The following CFAP61 variants were observed in gnomAD, a reference collection of about 807,000 sequenced individuals.
CFAP61 encodes the protein cilia- and flagella-associated protein 61.
CFAP61 carries 107 observed loss-of-function variants against 135.6 expected under a neutral mutation model. The observed-to-expected ratio is 0.79, with a 90% CI of 0.67 to 0.93. CFAP61 has a LOEUF of 0.93. Ranked by LOEUF, CFAP61 falls within the 40% of genes least tolerant of loss-of-function variation. CFAP61 has a pLI of 0.00. For synonymous variants in CFAP61, 575 were observed against 578.5 expected (o/e 0.99, Z 0.09); for missense variants, 1,507 against 1,556.2 (o/e 0.97, Z 0.53).
intron 13 of CFAP61, among the ~76,000 whole-genome samples, chr20:20,171,245 C>T (rs906680890): frequency 2.0e-5 from 3 of 152,182 alleles, no homozygotes; most frequent in African/African-American, 7.2e-5. Flanking sequence ...ACACAACTGC[C>T]TTGAGCCAGT....
chr20:20,159,702 A>G (rs767319008), intron 10 of CFAP61, among the ~76,000 whole-genome samples: 13 of 152,238 alleles, frequency 8.5e-5, no homozygotes, highest in Non-Finnish European at 1.3e-4. Context: ...ATTATTTGCA[A>G]AAATTTTAGT....
chr20:20,280,472 G>A (rs1435773179), intron 22 of CFAP61, among the ~76,000 whole-genome samples: 1 of 152,136 alleles, frequency 6.6e-6, no homozygotes, highest in East Asian at 1.9e-4. Flanking sequence ...AGCAGATGAT[G>A]TCACAGTGTA....
intron 26 of CFAP61, among the ~76,000 whole-genome samples, chr20:20,354,976 AGG>A (rs2059012732): frequency 5.7e-5 from 7 of 122,004 alleles, no homozygotes; most frequent in East Asian, 2.9e-4. Context: ...ACACTGTGAG[AGG>A]GGAGGTGGTC....
intron 3 of CFAP61, among the ~76,000 whole-genome samples, chr20:20,072,065 A>AC (rs2045744804): frequency 8.1e-6 from 1 of 122,924 alleles, no homozygotes; most frequent in Admixed American, 8.5e-5. Flanking sequence ...ACAGGATGTG[A>AC]CCTATTTGGT....
At position 20,055,450 on chromosome 20, in the gene CFAP61, C is replaced by G. The variant is rs541169685; in HGVS notation, c.-36-1168C>G. Among the ~76,000 whole-genome samples, 30 of 152,270 alleles carry G rather than the reference C, an allele frequency of 2.0e-4. No homozygotes were observed. In the East Asian group the frequency reaches 3.3e-3, roughly 17 times the overall value. ...CCCCTCACTTACCGAGGGGCCCATCCAAAGTCCCAGGTAGATGCATGGTTT... is the reference window on the plus strand; with the variant it reads ...CCCCTCACTTACCGAGGGGCCCATCGAAAGTCCCAGGTAGATGCATGGTTT... On this transcript the variant is annotated intron_variant, in intron 1 of 26. Coordinates refer to ENST00000245957, the MANE Select transcript of CFAP61 (RefSeq NM_015585.4).
At chr20:20,340,561 CAGAG>C (rs1447579653) in intron 25 of CFAP61, among the ~76,000 whole-genome samples, 7 of 152,130 alleles carry the variant, frequency 4.6e-5, no homozygotes, top group Non-Finnish European at 8.8e-5. Context: ...ACGGGCAACA[CAGAG>C]AGCAGAGTTT....
rs182966536 is a variant in CFAP61, at chr20:20,064,267, A to T, written c.144-6587A>T. On this transcript the variant is annotated intron_variant, in intron 2 of 26. Coordinates refer to ENST00000245957, the MANE Select transcript of CFAP61 (RefSeq NM_015585.4). ...AGAACTAACAGGAATTTCTTTTTCC[A>T]TTTTCACAATTTCACGGATTAAAGA... Among the ~76,000 whole-genome samples the T allele has an allele frequency of 7.4e-3, 1,127 of 152,230 alleles. 13 individuals carry two copies. Among genetic ancestry groups the T allele is most frequent in the African/African-American group, 0.026 (1,083 of 41,528 alleles).
At chr20:20,299,477 A>C (rs1461342655) in intron 25 of CFAP61, among the ~76,000 whole-genome samples, 2 of 152,262 alleles carry the variant, frequency 1.3e-5, no homozygotes, top group African/African-American at 4.8e-5. Flanking sequence ...TGTGTAAACA[A>C]AAAGACACAG....
intron 2 of CFAP61, 55 bp from the exon 3 acceptor site, chr20:20,070,799 C>G (rs897536229): frequency 1.9e-6 from 3 of 1,555,324 alleles, no homozygotes; most frequent in Non-Finnish European, 2.6e-6. Flanking sequence ...ATGGCATGTC[C>G]TCACCTCACT....
At chr20:20,267,900 C>G (rs73283202) in intron 21 of CFAP61, 19,022 of 152,214 alleles carry the variant, frequency 0.12, 1,360 homozygotes, top group African/African-American at 0.19. Context: ...CCCCAATGTG[C>G]AGGCTGGTTG....
chr20:20,296,043 CTCCCTTCCTTCCCTTCCT>C (rs150362243), intron 24 of CFAP61, among the ~76,000 whole-genome samples: 1 of 52,240 alleles, frequency 1.9e-5, no homozygotes, highest in Non-Finnish European at 3.6e-5. Flanking sequence ...TTCTTCCTCC[CTCCCTTCCTTCCCTTCCT>C]TCCCTTCCTT....
intron 8 of CFAP61, among the ~76,000 whole-genome samples, chr20:20,119,722 C>A (rs1873584527): frequency 6.6e-6 from 1 of 152,070 alleles, no homozygotes; most frequent in African/African-American, 2.4e-5. Flanking sequence ...GTTTGTTGGA[C>A]AGCTTATTTC....
At chr20:20,109,535 G>A (rs1278698647) in intron 8 of CFAP61, among the ~76,000 whole-genome samples, 1 of 152,084 alleles carries the variant, frequency 6.6e-6, no homozygotes, top group Non-Finnish European at 1.5e-5. Flanking sequence ...CAGGCAGATG[G>A]CTCCTGACTT....
At chr20:20,138,465 G>C (rs1318177940) in intron 8 of CFAP61, among the ~76,000 whole-genome samples, 1 of 150,872 alleles carries the variant, frequency 6.6e-6, no homozygotes, top group African/African-American at 2.5e-5. Context: ...GGTGCCAGCT[G>C]AGTTCTGCCT....
chr20:20,198,970 T>C (rs2056458187), intron 16 of CFAP61, among the ~76,000 whole-genome samples: 1 of 152,250 alleles, frequency 6.6e-6, no homozygotes, highest in African/African-American at 2.4e-5. Flanking sequence ...ATGGTTACGA[T>C]GTCCTTAGTT....
At chr20:20,342,725 C>A (rs1204105520) in intron 26 of CFAP61, among the ~76,000 whole-genome samples, 5 of 152,182 alleles carry the variant, frequency 3.3e-5, no homozygotes. Context: ...GGAGCGCGCA[C>A]CCTGTTCCCA....
rs1455073612 is a variant in CFAP61 at position 20,140,197 on chromosome 20, TTTA to T, written c.860-2649_860-2647del. Among the ~76,000 whole-genome samples the T allele has an allele frequency of 4.6e-5, 7 of 150,676 alleles. No individual in the cohort carries two copies. In the East Asian group the frequency reaches 1.2e-3, roughly 25 times the overall value. On this transcript the variant is annotated intron_variant, in intron 8 of 26. Transcript: ENST00000245957. ...TTTTAAAAAATTTTTTATTTTTTATTTTATTATTATTATACTTTAAGTTTTAGG... is the reference window on the plus strand; with the variant it reads ...TTTTAAAAAATTTTTTATTTTTTATTTTATTATTATACTTTAAGTTTTAGG...
chr20:20,290,485 T>A, intron 24 of CFAP61, 94 bp downstream of exon 24: 1 of 844,814 alleles, frequency 1.2e-6, no homozygotes, highest in Non-Finnish European at 1.9e-6. Flanking sequence ...TACTGTAATG[T>A]GTTGGTTCAC....
At chr20:20,180,817 A>G (rs2055010533) in intron 13 of CFAP61, among the ~76,000 whole-genome samples, 1 of 152,208 alleles carries the variant, frequency 6.6e-6, no homozygotes, top group Admixed American at 6.5e-5. Flanking sequence ...ATGGAATACT[A>G]TGCAGCCATA....
Sources: gnomAD v4.1 joint callset for allele counts (sites outside exome capture counted in the v4.1 genomes callset) on GRCh38, gnomAD v4.1.1 for gene constraint, MANE v1.5 for transcripts, NCBI Gene and HGNC (gene_info 2026-07-23, HGNC 2026-07-21) for gene names.